Variants in ZBTB7B observed in about 807,000 individuals in gnomAD.
ZBTB7B encodes zinc finger and BTB domain-containing protein 7B.
A neutral mutation model predicts 31.0 loss-of-function variants in ZBTB7B; 8 were observed. The ratio of observed to expected loss-of-function variants is 0.26; its 90% CI spans 0.15 to 0.47. The LOEUF is 0.47. Ranked by LOEUF, ZBTB7B falls within the 20% of genes least tolerant of loss-of-function variation. The pLI is 0.99. For missense variants in ZBTB7B, 494 were observed against 742.4 expected (o/e 0.67, Z 3.89); for synonymous variants, 261 against 307.3 (o/e 0.85, Z 1.58).
intron 1 of ZBTB7B, among the ~76,000 whole-genome samples, chr1:155,012,325 C>T (rs1659046609): frequency 6.6e-6 from 1 of 151,700 alleles, no homozygotes; most frequent in Admixed American, 6.6e-5. Context: ...TGCCCAGCTC[C>T]CAGCCAATGG....
rs559624343 is a variant in ZBTB7B, at chr1:155,016,160, A to G, written c.1155-60A>G. The G allele has an allele frequency of 6.5e-7, 1 of 1,544,256 alleles. No homozygotes were observed. Among genetic ancestry groups the G allele is most frequent in the Admixed American group, 1.7e-5 (1 of 57,230 alleles). On this transcript the variant is annotated intron_variant, in intron 2 of 2. Coordinates refer to ENST00000535420, the MANE Select transcript of ZBTB7B (RefSeq NM_001256455.2). This position sits in a 1 kb window ranked among gnomAD's most constrained non-coding sequence, Gnocchi z 4.3. ...GGGACAAGGCCAGGGTGGGATGACC[A>G]GGAGGAGCCAGGGATCCCATCCTGA...
Position 155,015,559 on chromosome 1 carries a change from C to T in ZBTB7B, c.899C>T (p.Pro300Leu). Residue 300 changes from proline to leucine, a missense_variant, in exon 2 of 3, where the codon CCA becomes CTA. Pro to Leu is a moderately conservative substitution (Grantham distance 98, BLOSUM62 -3). Around this residue, in one of 5 missense-constraint regions of ZBTB7B, gnomAD observed 216 missense variants for 229.3 expected, o/e 0.94. Coordinates refer to ENST00000535420, the MANE Select transcript of ZBTB7B (RefSeq NM_001256455.2). ...LAQGGGPPLS[P>L]EELGSDEDAI... ...CAGGGTGGCGGGCCCCCGCTGTCCC[C>T]AGAGGAGCTGGGCTCAGATGAGGAT... 6.2e-7 allele frequency: 1 copy of T among 1,613,862 alleles called. No homozygotes were observed. Among genetic ancestry groups the T allele is most frequent in the African/African-American group, 1.3e-5 (1 of 75,038 alleles).
At chr1:155,005,180 C>A (rs1658485342) in intron 1 of ZBTB7B, among the ~76,000 whole-genome samples, 1 of 151,988 alleles carries the variant, frequency 6.6e-6, no homozygotes, top group Non-Finnish European at 1.5e-5. Flanking sequence ...GCACTTGGCA[C>A]CCTGGGGAAG....
At chr1:155,005,505 C>T (rs1219420760) in intron 1 of ZBTB7B, among the ~76,000 whole-genome samples, 1 of 152,214 alleles carries the variant, frequency 6.6e-6, no homozygotes, top group Non-Finnish European at 1.5e-5. Context: ...CCCAATTCTT[C>T]TGGCCCAAGA....
At chr1:155,011,532 C>G (rs1274949866) in intron 1 of ZBTB7B, among the ~76,000 whole-genome samples, 1 of 152,166 alleles carries the variant, frequency 6.6e-6, no homozygotes, top group Non-Finnish European at 1.5e-5. Context: ...TCTAGCAGGC[C>G]TGACAGTGAG....
chr1:155,014,806 G>A lies in ZBTB7B; in HGVS notation c.146G>A (p.Arg49Lys). Reference protein sequence around the residue: ...RTQGLEYRTHRAVLAACSHYF... With the variant: ...RTQGLEYRTHKAVLAACSHYF... ...CAGGGCCTTGAATACCGCACCCACAGGGCTGTGCTAGCTGCCTGTAGCCAC... is the reference window on the plus strand; with the variant it reads ...CAGGGCCTTGAATACCGCACCCACAAGGCTGTGCTAGCTGCCTGTAGCCAC... Residue 49 changes from arginine (R) to lysine (K), a missense_variant, in exon 2 of 3, where the codon AGG becomes AAG. Physicochemically the swap from Arg to Lys is conservative, Grantham distance 26 (BLOSUM62 2). Around this residue, in one of 5 missense-constraint regions of ZBTB7B, gnomAD observed 26 missense variants for 80.4 expected, o/e 0.32. Coordinates refer to ENST00000535420, the MANE Select transcript of ZBTB7B (RefSeq NM_001256455.2). 1 of 1,614,228 alleles carries A rather than the reference G, an allele frequency of 6.2e-7. No homozygotes were observed. Among genetic ancestry groups the A allele is most frequent in the Non-Finnish European group, 8.5e-7 (1 of 1,180,042 alleles).
chr1:155,014,132 T>G, intron 1 of ZBTB7B: 1 of 970,576 alleles, frequency 1.0e-6, no homozygotes, highest in Non-Finnish European at 1.2e-6. Context: ...CCCCAGGTTA[T>G]GAGGAGGTTC....
rs1658455510 is a variant in ZBTB7B at position 155,004,740 on chromosome 1, C to T, written c.-7+1797C>T. Among the ~76,000 whole-genome samples the T allele has an allele frequency of 6.6e-6, 1 of 152,088 alleles. No individual in the cohort carries two copies. The highest frequency in any genetic ancestry group is 6.5e-5 in the Admixed American group (1 of 15,280). On this transcript the variant is annotated intron_variant, in intron 1 of 2. Transcript: ENST00000535420. The surrounding 1 kb of genome is among the most constrained non-coding windows in gnomAD (Gnocchi z 4.0). ...GAGAAATCTCTGTCAGTGCCTCTGT[C>T]CCTGGCCCCAGGGACCCCAGCTCCC...
intron 1 of ZBTB7B, among the ~76,000 whole-genome samples, chr1:155,009,626 G>A (rs772822512): frequency 2.0e-5 from 3 of 151,488 alleles, no homozygotes; most frequent in African/African-American, 4.9e-5. Context: ...ATCCGCTCTC[G>A]CTGCAAACCC....
At chr1:155,015,934 AT>A in intron 2 of ZBTB7B, 120 bp downstream of exon 2, 1 of 1,288,798 alleles carries the variant, frequency 7.8e-7, no homozygotes, top group South Asian at 1.4e-5. Flanking sequence ...GGACTGGGGC[AT>A]GGGTGGGTTA....
chr1:155,007,112 G>T (rs534273841), intron 1 of ZBTB7B, among the ~76,000 whole-genome samples: 109 of 152,366 alleles, frequency 7.2e-4, no homozygotes, highest in Middle Eastern at 3.4e-3. Flanking sequence ...TGGAATGTGG[G>T]TACCCTCTGC....
chr1:155,014,991 C>T lies in ZBTB7B; in HGVS notation c.331C>T (p.Leu111=), dbSNP rs1171882389. The T allele has an allele frequency of 3.7e-6, 6 of 1,613,874 alleles. No individual in the cohort carries two copies. The highest frequency in any genetic ancestry group is 5.1e-6 in the Non-Finnish European group (6 of 1,180,022). The change falls in exon 2 of 3, where the codon CTG becomes TTG. Residue 111 remains leucine, a synonymous_variant. Transcript: ENST00000535420. ...CCTTGAATTTGCCTATACAGCCACA[C>T]TGACCACCAGCAGCGCCAACATGCC... The part of the protein sequence containing the change: ...ALLEFAYTAT[L]TTSSANMPAV...
chr1:155,009,426 T>C (rs1658799142), intron 1 of ZBTB7B, among the ~76,000 whole-genome samples: 1 of 151,836 alleles, frequency 6.6e-6, no homozygotes, highest in South Asian at 2.1e-4. Flanking sequence ...CCTTGTGCGG[T>C]CTCCTCAGGC....
At chr1:155,002,337 G>T (rs1658277236), upstream of ZBTB7B, among the ~76,000 whole-genome samples, 1 of 150,352 alleles carries the variant, frequency 6.7e-6, no homozygotes, top group Non-Finnish European at 1.5e-5. Context: ...GAGAAAGGGG[G>T]GGGAGAGAGG....
chr1:155,015,971 C>T (rs1437732397), intron 2 of ZBTB7B, among the ~76,000 whole-genome samples, 157 bp downstream of exon 2: 1 of 152,088 alleles, frequency 6.6e-6, no homozygotes, highest in Non-Finnish European at 1.5e-5. Flanking sequence ...CAGAAGAAAA[C>T]AAGCCAGCAG....
intron 1 of ZBTB7B, 46 bp downstream of exon 1, chr1:155,002,989 T>C (rs976316769): frequency 6.5e-6 from 1 of 152,734 alleles, no homozygotes; most frequent in African/African-American, 2.4e-5. Flanking sequence ...TTCACTAGGC[T>C]CGAGACTACT....
intron 1 of ZBTB7B, among the ~76,000 whole-genome samples, chr1:155,012,384 T>C (rs1019379013): frequency 6.6e-6 from 1 of 152,074 alleles, no homozygotes; most frequent in Non-Finnish European, 1.5e-5. Flanking sequence ...CAGGATCCAC[T>C]TGGGCCCAGG....
intron 1 of ZBTB7B, chr1:155,013,875 G>A (rs1197531542): frequency 3.3e-5 from 7 of 211,786 alleles, no homozygotes; most frequent in Admixed American, 2.0e-4. Context: ...GAGGGATGCT[G>A]GGAGCTGTGT....
rs1659550121 is a variant in ZBTB7B, at chr1:155,017,533, C to T, written c.*848C>T. 6.5e-6 allele frequency: 1 copy of T among 154,598 alleles called. No homozygotes were observed. Among genetic ancestry groups the T allele is most frequent in the African/African-American group, 2.4e-5 (1 of 41,494 alleles). 9.6% of individuals were successfully genotyped at this position (154,598 alleles called of 1,614,324 possible). A position where few individuals can be genotyped will look rare whatever the true frequency, so the allele number is the denominator to read the frequency against. On this transcript the variant is annotated 3_prime_UTR_variant, in exon 3 of 3. Transcript: ENST00000535420. ...CTCCTCCTCCCCATCTCCTCCCCGC[C>T]CAGGTGCGAGCCGGAGCCGCCGCCA...
Sources: allele counts gnomAD v4.1 joint callset (sites outside exome capture counted in the v4.1 genomes callset), GRCh38; gene constraint gnomAD v4.1.1; regional missense constraint gnomAD v4.1.1; non-coding constraint Gnocchi (gnomAD v3.1); transcripts MANE v1.5; gene names NCBI Gene and HGNC (gene_info 2026-07-23, HGNC 2026-07-21).